CCDC158: variants seen among roughly 807,000 people sequenced by gnomAD.
The protein encoded by CCDC158 is coiled-coil domain-containing protein 158.
A neutral mutation model predicts 138.6 loss-of-function variants in CCDC158; 116 were observed. That is an observed-to-expected ratio of 0.84 (90% CI 0.72 to 0.98). CCDC158 has a LOEUF of 0.98. Among genes scored for constraint, CCDC158 ranks in the 50% least tolerant of loss-of-function variants. CCDC158 has a pLI of 0.00. For missense variants in CCDC158, 1,265 were observed against 1,306.1 expected (o/e 0.97, Z 0.48); for synonymous variants, 436 against 442.4 (o/e 0.99, Z 0.18).
chr4:76,417,294 C>G (rs1441776054), intron 1 of CCDC158, among the ~76,000 whole-genome samples: 1 of 152,140 alleles, frequency 6.6e-6, no homozygotes, highest in African/African-American at 2.4e-5. Context: ...TAGGAAGTAA[C>G]TAGCTTGTTT....
intron 1 of CCDC158, among the ~76,000 whole-genome samples, chr4:76,413,237 G>T (rs1729430906): frequency 1.3e-5 from 2 of 151,966 alleles, no homozygotes; most frequent in African/African-American, 4.8e-5. Flanking sequence ...ACTTTGGGAG[G>T]CCAAGGAGGG....
chr4:76,362,380 G>T, intron 12 of CCDC158, 65 bp from the exon 13 acceptor site: 2 of 1,209,010 alleles, frequency 1.7e-6, no homozygotes, highest in South Asian at 1.4e-5. Flanking sequence ...AGTTATAATT[G>T]ATAGCTGCTA....
chr4:76,399,952 G>C (rs1728193803), intron 3 of CCDC158, among the ~76,000 whole-genome samples: 1 of 152,120 alleles, frequency 6.6e-6, no homozygotes, highest in African/African-American at 2.4e-5. Context: ...AAGGAGGCAT[G>C]GACTGTGAAA....
intron 12 of CCDC158, among the ~76,000 whole-genome samples, chr4:76,365,061 C>T (rs1401337261): frequency 5.3e-5 from 8 of 152,218 alleles, no homozygotes; most frequent in East Asian, 1.9e-4. Context: ...ACACATAGGA[C>T]GAGTGCTGCT....
intron 13 of CCDC158, among the ~76,000 whole-genome samples, chr4:76,359,166 G>C (rs779732497): frequency 1.1e-4 from 17 of 152,048 alleles, no homozygotes; most frequent in Admixed American, 2.0e-4. Context: ...CTTCCACCAT[G>C]ATTATGTTTT....
At chr4:76,335,967 G>T (rs1040467366) in intron 18 of CCDC158, among the ~76,000 whole-genome samples, 1 of 151,596 alleles carries the variant, frequency 6.6e-6, no homozygotes, top group African/African-American at 2.4e-5. Context: ...AGATCACGAG[G>T]TCAGGAGATT....
chr4:76,319,465 AATATATATATATATATATATATATAT>A (rs1304922131), intron 24 of CCDC158, among the ~76,000 whole-genome samples: 66 of 22,244 alleles, frequency 3.0e-3, no homozygotes, highest in African/African-American at 0.011. Flanking sequence ...AAAAAAAAAA[AATATATATATATATATATATATATAT>A]ATATATATAT....
At chr4:76,332,363 T>C (rs981242201) in intron 20 of CCDC158, 69 bp downstream of exon 20, 3 of 1,344,566 alleles carry the variant, frequency 2.2e-6, no homozygotes, top group African/African-American at 1.5e-5. Context: ...AACAGACTTC[T>C]CAAATTACAA....
intron 20 of CCDC158, 133 bp from the exon 21 acceptor site, chr4:76,331,536 A>ATGGT: frequency 1.5e-6 from 1 of 688,786 alleles, no homozygotes. Flanking sequence ...TGGATAAATA[A>ATGGT]ATCATAAACA....
intron 2 of CCDC158, among the ~76,000 whole-genome samples, chr4:76,411,348 G>T (rs1181251308): frequency 1.3e-5 from 2 of 152,016 alleles, no homozygotes; most frequent in Non-Finnish European, 2.9e-5. Flanking sequence ...GCTGTAATCA[G>T]CCATGATCAC....
chr4:76,331,833 G>A (rs982873654), intron 20 of CCDC158, among the ~76,000 whole-genome samples: 1 of 152,164 alleles, frequency 6.6e-6, no homozygotes, highest in East Asian at 1.9e-4. Flanking sequence ...GCAGTGAGGA[G>A]CTACTGAAGA....
intron 24 of CCDC158, among the ~76,000 whole-genome samples, chr4:76,322,018 T>C (rs1578858057): frequency 6.7e-6 from 1 of 149,898 alleles, no homozygotes; most frequent in Admixed American, 6.7e-5. Context: ...GGGTGGGAGG[T>C]GGGTGAGGGA....
intron 3 of CCDC158, among the ~76,000 whole-genome samples, chr4:76,397,517 A>G (rs1052450704): frequency 6.6e-6 from 1 of 152,236 alleles, no homozygotes; most frequent in Non-Finnish European, 1.5e-5. Context: ...ATTAGAACAC[A>G]GTGTTAACAT....
chr4:76,407,935 T>C (rs910984987), intron 2 of CCDC158, among the ~76,000 whole-genome samples: 1 of 152,172 alleles, frequency 6.6e-6, no homozygotes, highest in Non-Finnish European at 1.5e-5. Context: ...CTATGAATGC[T>C]TGTGTTATTC....
chr4:76,406,012 T>C (rs1050521639), intron 2 of CCDC158, among the ~76,000 whole-genome samples: 2 of 152,150 alleles, frequency 1.3e-5, no homozygotes, highest in African/African-American at 2.4e-5. Context: ...TGTTGATTAA[T>C]GTAAGAGGAC....
At chr4:76,324,982 T>C (rs1480768237) in intron 23 of CCDC158, among the ~76,000 whole-genome samples, 1 of 152,212 alleles carries the variant, frequency 6.6e-6, no homozygotes, top group Non-Finnish European at 1.5e-5. Context: ...TTTGTCAGTC[T>C]CTTTCTTCAG....
chr4:76,353,401 C>A, intron 15 of CCDC158, 120 bp from the exon 16 acceptor site: 3 of 701,224 alleles, frequency 4.3e-6, no homozygotes, highest in Non-Finnish European at 6.9e-6. Context: ...ATTTATATGC[C>A]ATTTAATTGC....
intron 9 of CCDC158, among the ~76,000 whole-genome samples, chr4:76,376,672 T>G (rs1725747166): frequency 1.3e-5 from 2 of 152,192 alleles, no homozygotes; most frequent in South Asian, 4.1e-4. Context: ...CTACACCATG[T>G]AATTAATGTC....
intron 1 of CCDC158, among the ~76,000 whole-genome samples, chr4:76,420,705 A>T (rs984941274): frequency 6.6e-6 from 1 of 152,176 alleles, no homozygotes; most frequent in Non-Finnish European, 1.5e-5. Context: ...TCTCTTCCCC[A>T]CAAATCAAAT....
Sources: allele counts gnomAD v4.1 joint callset (sites outside exome capture counted in the v4.1 genomes callset), GRCh38; gene constraint gnomAD v4.1.1; transcripts MANE v1.5; gene names NCBI Gene and HGNC (gene_info 2026-07-23, HGNC 2026-07-21).